The following PPM1L variants were observed in gnomAD, a reference collection of about 807,000 sequenced individuals.
PPM1L encodes the protein protein phosphatase, Mg2+/Mn2+ dependent 1L.
In PPM1L, 13 loss-of-function variants were observed where a neutral mutation model predicts 31.4. That is an observed-to-expected ratio of 0.41 (90% CI 0.27 to 0.66). PPM1L has a LOEUF of 0.66. PPM1L is among the 30% of genes least tolerant of loss of function. The pLI is 0.29. For synonymous variants in PPM1L, 184 were observed against 175.4 expected (o/e 1.05, Z -0.39); for missense variants, 326 against 453.7 (o/e 0.72, Z 2.56).
At chr3:160,774,657 G>GAATACCTGA (rs1325299612) in intron 1 of PPM1L, among the ~76,000 whole-genome samples, 1 of 152,148 alleles carries the variant, frequency 6.6e-6, no homozygotes, top group African/African-American at 2.4e-5. Context: ...ACTGTTCACT[G>GAATACCTGA]AATACCTGAT....
chr3:160,960,191 T>C (rs1365185386), intron 1 of PPM1L, among the ~76,000 whole-genome samples: 3 of 152,170 alleles, frequency 2.0e-5, no homozygotes, highest in African/African-American at 4.8e-5. Flanking sequence ...TGCATACTTA[T>C]TTTAAGTTGT....
At chr3:160,942,722 T>A (rs995882707) in intron 1 of PPM1L, among the ~76,000 whole-genome samples, 1 of 152,172 alleles carries the variant, frequency 6.6e-6, no homozygotes, top group South Asian at 2.1e-4. Context: ...ATAAGACAAA[T>A]CATACAAACT....
intron 1 of PPM1L, among the ~76,000 whole-genome samples, chr3:160,791,985 G>A (rs16831467): frequency 0.058 from 8,839 of 152,198 alleles, 835 homozygotes; most frequent in African/African-American, 0.2. Flanking sequence ...GGTGTAAGGG[G>A]AGTTTGGAGT....
intron 2 of PPM1L, among the ~76,000 whole-genome samples, chr3:161,060,319 C>T (rs1346673869): frequency 6.6e-6 from 1 of 152,036 alleles, no homozygotes; most frequent in East Asian, 1.9e-4. Context: ...AAAAGGTTGG[C>T]ATGTATGGGC....
intron 2 of PPM1L, among the ~76,000 whole-genome samples, chr3:160,996,850 C>CATGAAGAT (rs1210278746): frequency 2.6e-5 from 4 of 152,082 alleles, no homozygotes; most frequent in Admixed American, 2.6e-4. Flanking sequence ...GTGAACACAT[C>CATGAAGAT]ATGAAGATTG....
At chr3:160,817,752 A>G (rs1395057631) in intron 1 of PPM1L, among the ~76,000 whole-genome samples, 1 of 152,038 alleles carries the variant, frequency 6.6e-6, no homozygotes, top group Non-Finnish European at 1.5e-5. Flanking sequence ...CTGTGGTGCC[A>G]TTGATAGAAG....
intron 2 of PPM1L, among the ~76,000 whole-genome samples, chr3:161,002,157 C>G (rs776055646): frequency 6.6e-6 from 1 of 152,142 alleles, no homozygotes; most frequent in Non-Finnish European, 1.5e-5. Flanking sequence ...TCCCTACAAA[C>G]GACGTGAACT....
chr3:161,017,399 T>A (rs1314177023), intron 2 of PPM1L, among the ~76,000 whole-genome samples: 1 of 152,166 alleles, frequency 6.6e-6, no homozygotes, highest in East Asian at 1.9e-4. Flanking sequence ...CACAATTGAT[T>A]ATGTTGATTG....
At chr3:160,899,231 T>C (rs1437669506) in intron 1 of PPM1L, among the ~76,000 whole-genome samples, 2 of 152,164 alleles carry the variant, frequency 1.3e-5, no homozygotes, top group Non-Finnish European at 2.9e-5. Flanking sequence ...ACCTATGCTC[T>C]TACGATTAGA....
chr3:160,945,977 G>T (rs961951769), intron 1 of PPM1L, among the ~76,000 whole-genome samples: 1 of 152,022 alleles, frequency 6.6e-6, no homozygotes, highest in Non-Finnish European at 1.5e-5. Context: ...TTATGTTATT[G>T]GTAAGGCTGT....
intron 1 of PPM1L, among the ~76,000 whole-genome samples, chr3:160,823,512 C>T (rs1713268782): frequency 6.6e-6 from 1 of 151,764 alleles, no homozygotes; most frequent in Admixed American, 6.6e-5. Context: ...TATGCCCGGC[C>T]TAAATGATTA....
At chr3:160,776,313 G>A (rs1711557407) in intron 1 of PPM1L, among the ~76,000 whole-genome samples, 2 of 152,064 alleles carry the variant, frequency 1.3e-5, no homozygotes, top group East Asian at 1.9e-4. Context: ...AAGTTGCTTT[G>A]TGTGTGTGTT....
At chr3:161,065,681 G>C in intron 3 of PPM1L, 117 bp downstream of exon 3, 1 of 787,512 alleles carries the variant, frequency 1.3e-6, no homozygotes, top group Non-Finnish European at 2.0e-6. Context: ...GGCTGCTACT[G>C]AGGTAACTGA....
Position 161,074,529 on chromosome 3 carries a change from T to C in PPM1L, c.*5372T>C, listed in dbSNP as rs1411752653. On this transcript the variant is annotated 3_prime_UTR_variant, in exon 4 of 4. Transcript: ENST00000498165. ...TTAAAAAACTAAAAGTAAGATCTCT[T>C]AGGCTAGGTGGCGGATTGCAAAGGG... 6.6e-6 allele frequency: 1 copy of C among 152,222 alleles called. No homozygotes were observed. The highest frequency in any genetic ancestry group is 1.5e-5 in the Non-Finnish European group (1 of 68,030). 9.4% of individuals were successfully genotyped at this position (152,222 alleles called of 1,614,324 possible).
intron 2 of PPM1L, among the ~76,000 whole-genome samples, chr3:161,063,385 T>C (rs1719630383): frequency 6.6e-6 from 1 of 152,218 alleles, no homozygotes; most frequent in African/African-American, 2.4e-5. Context: ...CAACATTTCA[T>C]GTGTTTCCAT....
intron 1 of PPM1L, among the ~76,000 whole-genome samples, chr3:160,930,262 T>TAA (rs546483305): frequency 7.6e-5 from 11 of 145,606 alleles, no homozygotes; most frequent in Admixed American, 3.4e-4. Flanking sequence ...AGCAGTCCCT[T>TAA]AAAAAAAAAA....
intron 1 of PPM1L, among the ~76,000 whole-genome samples, chr3:160,956,368 G>A (rs1715776801): frequency 6.6e-6 from 1 of 152,170 alleles, no homozygotes; most frequent in Admixed American, 6.5e-5. Context: ...TCTAACTGGA[G>A]GGAACCTGTG....
intron 2 of PPM1L, among the ~76,000 whole-genome samples, chr3:161,045,832 C>T (rs1391627064): frequency 6.6e-6 from 1 of 152,066 alleles, no homozygotes; most frequent in Admixed American, 6.6e-5. Flanking sequence ...TCAATGAGGG[C>T]CAGGCGTGGT....
chr3:160,819,064 A>C (rs1366285278), intron 1 of PPM1L, among the ~76,000 whole-genome samples: 2 of 151,912 alleles, frequency 1.3e-5, no homozygotes, highest in Non-Finnish European at 2.9e-5. Context: ...AGATGAAAGG[A>C]CATGGAATGG....
Sources: gnomAD v4.1 joint callset for allele counts (sites outside exome capture counted in the v4.1 genomes callset) on GRCh38, gnomAD v4.1.1 for gene constraint, MANE v1.5 for transcripts, NCBI Gene and HGNC (gene_info 2026-07-23, HGNC 2026-07-21) for gene names.